USP34: variants seen among roughly 807,000 people sequenced by gnomAD.
The protein encoded by USP34 is ubiquitin specific peptidase 34.
A neutral mutation model predicts 460.3 loss-of-function variants in USP34; 70 were observed. The observed-to-expected ratio is 0.15, with a 90% CI of 0.13 to 0.19. USP34 has a LOEUF of 0.19. Among genes scored for constraint, USP34 ranks in the 10% least tolerant of loss-of-function variants. The probability of loss-of-function intolerance (pLI) is 1.00; values close to 1 mark genes in which losing one functional copy is unlikely to be tolerated. For missense variants in USP34, 3,985 were observed against 4,236.2 expected (o/e 0.94, Z 1.65); for synonymous variants, 1,647 against 1,405.3 (o/e 1.17, Z -3.85).
At position 61,395,798 on chromosome 2, in the gene USP34, A is replaced by AG. The variant is rs1483184835; in HGVS notation, c.553-566_553-565insC. On this transcript the variant is annotated intron_variant, in intron 3 of 79. Coordinates refer to ENST00000398571, the MANE Select transcript of USP34 (RefSeq NM_014709.4). ...GAGACTCCGTCTCAAAAAAAAAAAAAAAAAAAAAAAAAATCCCAGCACTTT... is the reference window on the plus strand; with the variant it reads ...GAGACTCCGTCTCAAAAAAAAAAAAAGAAAAAAAAAAAAATCCCAGCACTTT... Among the ~76,000 whole-genome samples, 6 of 142,570 alleles carry AG rather than the reference A, an allele frequency of 4.2e-5. 1 individual carries two copies. Among genetic ancestry groups the AG allele is most frequent in the Non-Finnish European group, 1.5e-5 (1 of 65,706 alleles). The allele number at this position is 142,570 out of a possible 152,430, so 93.5% of individuals were successfully genotyped here. A position where few individuals can be genotyped will look rare whatever the true frequency, so the allele number is the denominator to read the frequency against.
At chr2:61,193,563 A>G (rs1686705178) in intron 75 of USP34, among the ~76,000 whole-genome samples, 1 of 152,130 alleles carries the variant, frequency 6.6e-6, no homozygotes, top group Admixed American at 6.6e-5. Flanking sequence ...TGGAACCTCT[A>G]TGAATTTACT....
At chr2:61,407,177 G>C (rs940354117) in intron 2 of USP34, among the ~76,000 whole-genome samples, 2 of 152,136 alleles carry the variant, frequency 1.3e-5, no homozygotes, top group African/African-American at 4.8e-5. Context: ...CTTAAGTCCA[G>C]GAGCTCAAGA....
intron 1 of USP34, among the ~76,000 whole-genome samples, chr2:61,421,133 C>T (rs759388465): frequency 7.2e-5 from 11 of 152,176 alleles, no homozygotes; most frequent in Non-Finnish European, 1.3e-4. Flanking sequence ...CTACATTTTT[C>T]ATTTCCAGCT....
At chr2:61,271,842 A>G (rs1000322856) in intron 41 of USP34, among the ~76,000 whole-genome samples, 1 of 152,214 alleles carries the variant, frequency 6.6e-6, no homozygotes. Flanking sequence ...ATTCAGTTCT[A>G]GAACTATTTT....
At chr2:61,412,189 C>CAA (rs10581550) in intron 2 of USP34, among the ~76,000 whole-genome samples, 14 of 92,120 alleles carry the variant, frequency 1.5e-4, no homozygotes, top group South Asian at 3.4e-4. Flanking sequence ...AACTCCATCT[C>CAA]AAAAAAAAAA....
At chr2:61,215,562 T>C (rs1435321928) in intron 67 of USP34, among the ~76,000 whole-genome samples, 1 of 152,174 alleles carries the variant, frequency 6.6e-6, no homozygotes, top group Non-Finnish European at 1.5e-5. Context: ...AGCATTGACC[T>C]AGGTGCTGTA....
At chr2:61,358,739 A>C (rs1366679088) in intron 10 of USP34, among the ~76,000 whole-genome samples, 3 of 152,236 alleles carry the variant, frequency 2.0e-5, no homozygotes, top group Non-Finnish European at 4.4e-5. Flanking sequence ...CCACAGGAGA[A>C]CTACTAAGCT....
chr2:61,223,445 T>C (rs1687645879), intron 62 of USP34, 149 bp from the exon 63 acceptor site: 1 of 791,012 alleles, frequency 1.3e-6, no homozygotes, highest in Non-Finnish European at 1.9e-6. Context: ...ATTTGCTTGC[T>C]AAATGTCTTT....
intron 1 of USP34, among the ~76,000 whole-genome samples, chr2:61,469,014 C>T (rs1240683988): frequency 6.6e-6 from 1 of 152,150 alleles, no homozygotes; most frequent in Non-Finnish European, 1.5e-5. Flanking sequence ...CAAGACCAGC[C>T]TGACCAACAT....
intron 58 of USP34, among the ~76,000 whole-genome samples, chr2:61,230,583 C>T (rs1167844496): frequency 6.6e-6 from 1 of 152,086 alleles, no homozygotes; most frequent in Non-Finnish European, 1.5e-5. Context: ...GGTGCAGTGG[C>T]TGTAGTAACA....
intron 3 of USP34, among the ~76,000 whole-genome samples, chr2:61,399,874 C>CTAAAAAAAAAAAAA (rs1693658071): frequency 1.4e-5 from 1 of 69,984 alleles, no homozygotes; most frequent in Non-Finnish European, 2.6e-5. Context: ...CACTGTCTCC[C>CTAAAAAAAAAAAAA]AAAAAAAAAA....
chr2:61,468,818 A>C (rs1695861468), intron 1 of USP34, among the ~76,000 whole-genome samples: 1 of 152,234 alleles, frequency 6.6e-6, no homozygotes, highest in Non-Finnish European at 1.5e-5. Context: ...AATCTTAAAT[A>C]AGACCTTTCA....
intron 18 of USP34, among the ~76,000 whole-genome samples, chr2:61,336,420 C>T (rs1691417913): frequency 6.6e-6 from 1 of 151,814 alleles, no homozygotes; most frequent in Non-Finnish European, 1.5e-5. Context: ...GACACTGTAC[C>T]TGGTCCCTTT....
At chr2:61,192,790 T>C in intron 76 of USP34, 111 bp downstream of exon 76, 1 of 749,896 alleles carries the variant, frequency 1.3e-6, no homozygotes, top group Non-Finnish European at 2.1e-6. Flanking sequence ...CCTATCAAGA[T>C]TCTAAAATGT....
chr2:61,391,062 T>C (rs1693330005), intron 5 of USP34, among the ~76,000 whole-genome samples: 1 of 151,002 alleles, frequency 6.6e-6, no homozygotes, highest in South Asian at 2.1e-4. Context: ...ACCACTGCAC[T>C]CCAGCCTGGT....
intron 34 of USP34, 118 bp downstream of exon 34, chr2:61,288,559 G>T: frequency 9.7e-7 from 1 of 1,026,672 alleles, no homozygotes; most frequent in Non-Finnish European, 1.5e-6. Flanking sequence ...AATGCCGTCA[G>T]TTCAGCTGTC....
intron 27 of USP34, among the ~76,000 whole-genome samples, chr2:61,306,917 G>A (rs1690426001): frequency 6.6e-6 from 1 of 152,048 alleles, no homozygotes; most frequent in African/African-American, 2.4e-5. Flanking sequence ...CGATTCCTCA[G>A]GGATCTAGAA....
rs200680094 is a variant in USP34, at chr2:61,258,628, G to A, written c.5844+1083C>T. On this transcript the variant is annotated intron_variant, in intron 44 of 79. Transcript: ENST00000398571. Reference sequence around the variant, plus strand: ...GCTCCAAATGGAGAGGGATAAGATAGGAGGTTGAAGGGTAGGGGGAAAAAA... The same window carrying A: ...GCTCCAAATGGAGAGGGATAAGATAAGAGGTTGAAGGGTAGGGGGAAAAAA... 8.5e-5 allele frequency among the ~76,000 whole-genome samples: 13 copies of A among 152,216 alleles called. No individual in the cohort carries two copies. The East Asian group carries it at 2.5e-3, about 29-fold the overall frequency.
At chr2:61,465,338 A>T (rs1438342947) in intron 1 of USP34, among the ~76,000 whole-genome samples, 1 of 152,290 alleles carries the variant, frequency 6.6e-6, no homozygotes, top group East Asian at 1.9e-4. Flanking sequence ...ACAGCTTCAG[A>T]TTCTCAGGAC....
Sources: gnomAD v4.1 joint callset for allele counts (sites outside exome capture counted in the v4.1 genomes callset) on GRCh38, gnomAD v4.1.1 for gene constraint, MANE v1.5 for transcripts, NCBI Gene and HGNC (gene_info 2026-07-23, HGNC 2026-07-21) for gene names.